RFC3: variants seen among roughly 807,000 people sequenced by gnomAD.
RFC3 encodes A1 38 kDa subunit.
In RFC3, 41 loss-of-function variants were observed where a neutral mutation model predicts 45.1. The observed-to-expected ratio is 0.91, with a 90% confidence interval of 0.71 to 1.18. RFC3 has a LOEUF of 1.18. Ranked by LOEUF, RFC3 falls within the 50% of genes most tolerant of loss-of-function variation. The pLI, the probability that RFC3 is intolerant of heterozygous loss-of-function variation, is 0.00. For synonymous variants in RFC3, 149 were observed against 144.0 expected (o/e 1.03, Z -0.25); for missense variants, 423 against 428.1 (o/e 0.99, Z 0.10).
chr13:33,904,017 G>A (rs2082657340), intron 8 of RFC3, among the ~76,000 whole-genome samples: 1 of 152,036 alleles, frequency 6.6e-6, no homozygotes, highest in African/African-American at 2.4e-5. Flanking sequence ...CCACAAGGCT[G>A]TTTCAGTACC....
At chr13:33,950,246 TAAATA>T (rs1341354978) in intron 8 of RFC3, among the ~76,000 whole-genome samples, 3 of 152,180 alleles carry the variant, frequency 2.0e-5, no homozygotes, top group Admixed American at 1.3e-4. Flanking sequence ...GGGATGTTCT[TAAATA>T]AAAGTGGTTT....
chr13:33,948,197 T>G (rs2082965993), intron 8 of RFC3, among the ~76,000 whole-genome samples: 2 of 152,188 alleles, frequency 1.3e-5, no homozygotes, highest in Admixed American at 1.3e-4. Context: ...CATGGTGCCC[T>G]GTGTCCCAGC....
intron 8 of RFC3, among the ~76,000 whole-genome samples, chr13:33,931,135 A>C (rs1260046693): frequency 6.6e-6 from 1 of 152,076 alleles, no homozygotes; most frequent in Non-Finnish European, 1.5e-5. Context: ...ATTGTAGAAA[A>C]TTTCCCAGAA....
At chr13:33,927,090 C>A (rs1343417114) in intron 8 of RFC3, among the ~76,000 whole-genome samples, 2 of 151,966 alleles carry the variant, frequency 1.3e-5, no homozygotes, top group East Asian at 3.9e-4. Flanking sequence ...TTCTTGAAAT[C>A]TCACCCAATC....
chr13:33,965,869 T>G (rs890764957), intron 8 of RFC3, among the ~76,000 whole-genome samples: 2 of 152,162 alleles, frequency 1.3e-5, no homozygotes, highest in Non-Finnish European at 2.9e-5. Context: ...ACCCATTGAG[T>G]GGACCTAGTT....
At chr13:33,974,445 C>G in the RFC3 span, among the ~76,000 whole-genome samples, 5 of 152,198 alleles carry the variant, frequency 3.3e-5, no homozygotes, top group African/African-American at 1.2e-4. Context: ...CTAAACAACT[C>G]TATTTCCTTC....
At chr13:33,864,777 T>C (rs542171874) in intron 8 of RFC3, among the ~76,000 whole-genome samples, 11 of 152,130 alleles carry the variant, frequency 7.2e-5, no homozygotes, top group African/African-American at 2.6e-4. Context: ...AGATACTTTA[T>C]GGAGTTATTT....
downstream of RFC3, among the ~76,000 whole-genome samples, chr13:33,968,980 C>T (rs1196224621): frequency 6.6e-6 from 1 of 152,186 alleles, no homozygotes; most frequent in African/African-American, 2.4e-5. Context: ...AACACTCCAG[C>T]TCACAGTTCA....
chr13:33,818,998 C>G (rs1369787664), intron 1 of RFC3, among the ~76,000 whole-genome samples: 1 of 146,504 alleles, frequency 6.8e-6, no homozygotes, highest in Non-Finnish European at 1.5e-5. Flanking sequence ...TCAAGCGATT[C>G]TCCTGCCTCA....
chr13:33,860,875 C>A (rs2082336629), intron 8 of RFC3, among the ~76,000 whole-genome samples: 1 of 151,408 alleles, frequency 6.6e-6, no homozygotes, highest in South Asian at 2.1e-4. Flanking sequence ...TTTTTTTCCC[C>A]TTTCTCATTA....
chr13:33,848,584 G>C (rs2082255248), intron 8 of RFC3: 1 of 152,112 alleles, frequency 6.6e-6, no homozygotes, highest in Admixed American at 6.5e-5. Flanking sequence ...CCTTTAGCAT[G>C]TAAGTTGACC....
intron 8 of RFC3, among the ~76,000 whole-genome samples, chr13:33,872,124 A>G (rs911821294): frequency 6.6e-5 from 10 of 152,132 alleles, no homozygotes; most frequent in African/African-American, 2.4e-4. Flanking sequence ...GTTCGACTTC[A>G]TGTCCCTGGC....
intron 7 of RFC3, among the ~76,000 whole-genome samples, chr13:33,834,335 T>C (rs1477206326): frequency 6.4e-5 from 9 of 140,452 alleles, no homozygotes; most frequent in African/African-American, 2.4e-4. Context: ...TATATATCTG[T>C]ACTGTAAAAA....
At chr13:33,917,339 T>A (rs963353244) in intron 8 of RFC3, among the ~76,000 whole-genome samples, 3 of 152,080 alleles carry the variant, frequency 2.0e-5, no homozygotes, top group Admixed American at 2.0e-4. Flanking sequence ...AGAAAGATAA[T>A]CCGAGGCATG....
chr13:33,826,138 G>A (rs562624938), intron 4 of RFC3, among the ~76,000 whole-genome samples: 2 of 152,106 alleles, frequency 1.3e-5, no homozygotes, highest in Non-Finnish European at 2.9e-5. Flanking sequence ...TCTTATGACC[G>A]AGTCATATGT....
chr13:33,898,382 A>T (rs1390033922), intron 8 of RFC3, among the ~76,000 whole-genome samples: 1 of 152,030 alleles, frequency 6.6e-6, no homozygotes, highest in South Asian at 2.1e-4. Context: ...ACATGTGTAC[A>T]TTAAACAACA....
intron 8 of RFC3, among the ~76,000 whole-genome samples, chr13:33,907,007 T>A (rs9570570): frequency 0.071 from 10,857 of 152,022 alleles, 637 homozygotes; most frequent in African/African-American, 0.16. Flanking sequence ...TTTTAAAAAT[T>A]TTTTTATAGT....
intron 8 of RFC3, among the ~76,000 whole-genome samples, chr13:33,912,283 C>A (rs2082707965): frequency 6.7e-6 from 1 of 149,586 alleles, no homozygotes; most frequent in East Asian, 2.0e-4. Context: ...CCTAGAGATA[C>A]CATAATGACC....
chr13:33,825,566 A>G (rs1352234411), intron 3 of RFC3, among the ~76,000 whole-genome samples: 4 of 152,140 alleles, frequency 2.6e-5, no homozygotes, highest in Admixed American at 2.6e-4. Flanking sequence ...TTAACAGTAA[A>G]CTTAATGTAA....
Sources: gnomAD v4.1 joint callset for allele counts (sites outside exome capture counted in the v4.1 genomes callset) on GRCh38, gnomAD v4.1.1 for gene constraint, MANE v1.5 for transcripts, NCBI Gene and HGNC (gene_info 2026-07-23, HGNC 2026-07-21) for gene names.